The following PPFIBP2 variants were observed in gnomAD, a reference collection of about 807,000 sequenced individuals.
PPFIBP2 encodes the protein PPFIB scaffold protein 2.
In PPFIBP2, 118 loss-of-function variants were observed where a neutral mutation model predicts 118.3. That is an observed-to-expected ratio of 1.00 (90% CI 0.86 to 1.16). PPFIBP2 has a LOEUF of 1.16. Among genes scored for constraint, PPFIBP2 ranks in the 50% most tolerant of loss-of-function variants. The probability of loss-of-function intolerance (pLI) is 0.00; values close to 1 mark genes in which losing one functional copy is unlikely to be tolerated. For synonymous variants in PPFIBP2, 414 were observed against 397.4 expected, an observed-to-expected ratio of 1.04 and a Z score of -0.50; for missense variants, 1,195 against 1,073.1, an observed-to-expected ratio of 1.11 and a Z score of -1.59.
chr11:7,588,381 T>C (rs894714578), intron 3 of PPFIBP2, among the ~76,000 whole-genome samples: 1 of 152,150 alleles, frequency 6.6e-6, no homozygotes, highest in Non-Finnish European at 1.5e-5. Context: ...CATGATCAAC[T>C]CCAGGATCCC....
intron 3 of PPFIBP2, among the ~76,000 whole-genome samples, chr11:7,578,204 G>A (rs1856739848): frequency 6.6e-6 from 1 of 152,160 alleles, no homozygotes; most frequent in Admixed American, 6.5e-5. Context: ...CTGAGTGTGT[G>A]GTATGAGCAA....
chr11:7,598,804 A>C (rs1442844196), intron 5 of PPFIBP2, among the ~76,000 whole-genome samples: 1 of 152,194 alleles, frequency 6.6e-6, no homozygotes, highest in Non-Finnish European at 1.5e-5. Flanking sequence ...ACTGGTGAAC[A>C]CAGGCTTTGC....
At chr11:7,617,505 AC>A (rs1848802145) in intron 6 of PPFIBP2, among the ~76,000 whole-genome samples, 1 of 151,948 alleles carries the variant, frequency 6.6e-6, no homozygotes, top group Non-Finnish European at 1.5e-5. Context: ...GGTGAGGCCA[AC>A]CCTCAAACAG....
At chr11:7,635,972 C>T (rs573141608) in intron 14 of PPFIBP2, among the ~76,000 whole-genome samples, 2 of 152,292 alleles carry the variant, frequency 1.3e-5, no homozygotes, top group East Asian at 1.9e-4. Context: ...CACAAGTGTA[C>T]ACTCAGTCCC....
chr11:7,645,013 C>T (rs1159083468), intron 17 of PPFIBP2, among the ~76,000 whole-genome samples: 3 of 98,460 alleles, frequency 3.0e-5, no homozygotes, highest in Non-Finnish European at 5.4e-5. Flanking sequence ...GGCGACAGAG[C>T]AAGACTCCGT....
intron 7 of PPFIBP2, among the ~76,000 whole-genome samples, chr11:7,625,388 T>C (rs1849856487): frequency 1.3e-5 from 2 of 148,982 alleles, no homozygotes; most frequent in African/African-American, 5.2e-5. Flanking sequence ...TGTTACTGTA[T>C]GAGTGAGTAT....
intron 3 of PPFIBP2, among the ~76,000 whole-genome samples, chr11:7,588,721 A>G (rs999356627): frequency 3.9e-5 from 6 of 152,254 alleles, no homozygotes; most frequent in African/African-American, 1.4e-4. Flanking sequence ...CCTTGTGTCC[A>G]AGACTTTTTT....
At chr11:7,654,304 G>A (rs995248303), downstream of PPFIBP2, among the ~76,000 whole-genome samples, 1 of 152,188 alleles carries the variant, frequency 6.6e-6, no homozygotes, top group Admixed American at 6.5e-5. Context: ...GTCTGGCTGG[G>A]ACTGAGGTAG....
chr11:7,515,293 G>A (rs1460059756), intron 1 of PPFIBP2, among the ~76,000 whole-genome samples: 3 of 152,146 alleles, frequency 2.0e-5, no homozygotes, highest in Non-Finnish European at 4.4e-5. Flanking sequence ...TCAATTATTA[G>A]TAATACTATT....
intron 3 of PPFIBP2, among the ~76,000 whole-genome samples, chr11:7,566,547 G>A (rs557938477): frequency 1.3e-5 from 2 of 152,192 alleles, no homozygotes; most frequent in East Asian, 1.9e-4. Context: ...AATTTTGTGT[G>A]TGTGGAGATG....
chr11:7,553,142 TTCTA>T (rs1853184130), intron 2 of PPFIBP2, among the ~76,000 whole-genome samples: 1 of 152,260 alleles, frequency 6.6e-6, no homozygotes, highest in Non-Finnish European at 1.5e-5. Context: ...TGTATACATC[TTCTA>T]TCTGGCTGCA....
In PPFIBP2 at chr11:7,632,860, G is replaced by T. The variant is rs1448444997; in HGVS notation, c.1069-7G>T. On this transcript the variant is annotated splice_polypyrimidine_tract_variant and splice_region_variant and intron_variant, in intron 11 of 23. Transcript: ENST00000299492. Reference sequence around the variant, plus strand: ...CCTCTACCGTGACTCTTCTGTCTCTGGTGCAGATGCCTCCAAGATGTAGCT... The same window carrying T: ...CCTCTACCGTGACTCTTCTGTCTCTTGTGCAGATGCCTCCAAGATGTAGCT... 7 of 1,611,622 alleles carry T rather than the reference G, an allele frequency of 4.3e-6. No homozygotes were observed. Among genetic ancestry groups the T allele is most frequent in the Non-Finnish European group, 5.9e-6 (7 of 1,177,816 alleles).
intron 7 of PPFIBP2, 81 bp downstream of exon 7, chr11:7,621,108 G>C (rs1013071391): frequency 1.8e-6 from 2 of 1,111,354 alleles, no homozygotes. Context: ...GGGGTTTCCA[G>C]TAGCCTAAGT....
chr11:7,572,284 G>A (rs1042174782), intron 3 of PPFIBP2, among the ~76,000 whole-genome samples: 1 of 152,138 alleles, frequency 6.6e-6, no homozygotes, highest in Admixed American at 6.5e-5. Flanking sequence ...GTCCCCTGGG[G>A]GATTTTGAAT....
At chr11:7,580,111 C>A (rs1270073350) in intron 3 of PPFIBP2, among the ~76,000 whole-genome samples, 2 of 152,254 alleles carry the variant, frequency 1.3e-5, no homozygotes, top group Middle Eastern at 3.4e-3. Flanking sequence ...TTAGTTTTAT[C>A]TTTTATATCT....
At chr11:7,605,813 A>G in intron 5 of PPFIBP2, 1 of 1,374,224 alleles carries the variant, frequency 7.3e-7, no homozygotes, top group East Asian at 2.8e-5. Flanking sequence ...AGAATTTCAG[A>G]GCTGAAGATT....
chr11:7,591,611 A>G (rs978650517), intron 3 of PPFIBP2, among the ~76,000 whole-genome samples: 1 of 152,136 alleles, frequency 6.6e-6, no homozygotes, highest in African/African-American at 2.4e-5. Context: ...GTGATTGTTA[A>G]GGTTCTTTGT....
At chr11:7,553,053 A>C (rs1448868014) in intron 2 of PPFIBP2, among the ~76,000 whole-genome samples, 3 of 151,350 alleles carry the variant, frequency 2.0e-5, no homozygotes, top group Non-Finnish European at 4.4e-5. Flanking sequence ...CATTTAATAC[A>C]TGCTAGATGT....
At chr11:7,560,901 A>T (rs1036369832) in intron 2 of PPFIBP2, among the ~76,000 whole-genome samples, 1 of 152,194 alleles carries the variant, frequency 6.6e-6, no homozygotes, top group African/African-American at 2.4e-5. Context: ...TTTTCTTTCC[A>T]TATTTTTAAA....
Sources: allele counts gnomAD v4.1 joint callset (sites outside exome capture counted in the v4.1 genomes callset), GRCh38; gene constraint gnomAD v4.1.1; transcripts MANE v1.5; gene names NCBI Gene and HGNC (gene_info 2026-07-23, HGNC 2026-07-21).